Variants in HYKK observed in about 807,000 individuals in gnomAD.
HYKK encodes the protein 5-hydroxy-L-lysine kinase.
In HYKK, 19 loss-of-function variants were observed where a neutral mutation model predicts 29.7. The ratio of observed to expected loss-of-function variants is 0.64; its 90% CI spans 0.45 to 0.94. The LOEUF (loss-of-function observed/expected upper bound fraction) is 0.94, where lower values mean the gene tolerates loss of function less well. Among genes scored for constraint, HYKK ranks in the 40% least tolerant of loss-of-function variants. The pLI, the probability that HYKK is intolerant of heterozygous loss-of-function variation, is 0.00. For missense variants in HYKK, 390 were observed against 443.4 expected, an observed-to-expected ratio of 0.88 and a Z score of 1.08; for synonymous variants, 152 against 158.1, an observed-to-expected ratio of 0.96 and a Z score of 0.29.
At chr15:78,522,255 CAG>C (rs1420478690) in intron 3 of HYKK, among the ~76,000 whole-genome samples, 10 of 152,140 alleles carry the variant, frequency 6.6e-5, no homozygotes, top group Admixed American at 1.3e-4. Context: ...TAGCTCCTAA[CAG>C]TGTTTTTTCA....
chr15:78,521,519 A>G (rs531099787), intron 3 of HYKK, among the ~76,000 whole-genome samples: 174 of 152,090 alleles, frequency 1.1e-3, no homozygotes, highest in Middle Eastern at 0.01. Context: ...ACCTAATAAC[A>G]AGAGGAGGGC....
Position 78,533,726 on chromosome 15 carries a change from C to A in HYKK, c.*56C>A. ...TTAACTTGGGTAATTAAAATAGGAC[C>A]CAGTCAAATTTTAGGAAGGATTTTC... On this transcript the variant is annotated 3_prime_UTR_variant, in exon 5 of 5. Transcript: ENST00000388988. 1 of 1,284,538 alleles carries A rather than the reference C, an allele frequency of 7.8e-7. No homozygotes were observed. Among genetic ancestry groups the A allele is most frequent in the Non-Finnish European group, 1.1e-6 (1 of 904,658 alleles). 79.6% of individuals were successfully genotyped at this position (1,284,538 alleles called of 1,614,324 possible). A position where few individuals can be genotyped will look rare whatever the true frequency, so the allele number is the denominator to read the frequency against.
chr15:78,525,718 C>T (rs1158238147), intron 3 of HYKK, among the ~76,000 whole-genome samples: 1 of 151,866 alleles, frequency 6.6e-6, no homozygotes, highest in East Asian at 1.9e-4. Flanking sequence ...AGGCTGGTCT[C>T]GAACTCCTGA....
intron 3 of HYKK, among the ~76,000 whole-genome samples, chr15:78,518,389 G>T (rs928289795): frequency 2.0e-5 from 3 of 151,962 alleles, no homozygotes; most frequent in Non-Finnish European, 4.4e-5. Context: ...TGGCCAGGCT[G>T]GTCTTGAACT....
rs1425089917 is a variant in HYKK at position 78,536,339 on chromosome 15, TCA to T, written c.*2671_*2672del. ...CACACACACACACACACATGCACAC[TCA>T]CTCACACACACTAGGAGGAACAAAT... On this transcript the variant is annotated 3_prime_UTR_variant, in exon 5 of 5. Coordinates refer to ENST00000388988, the MANE Select transcript of HYKK (RefSeq NM_001013619.4). The T allele has an allele frequency of 6.7e-6, 1 of 148,832 alleles. No individual in the cohort carries two copies. The highest frequency in any genetic ancestry group is 1.5e-5 in the Non-Finnish European group (1 of 67,300). The allele number at this position is 148,832 out of a possible 1,614,324, so 9.2% of individuals were successfully genotyped here. A position where few individuals can be genotyped will look rare whatever the true frequency, so the allele number is the denominator to read the frequency against.
intron 1 of HYKK, 21 bp from the exon 2 acceptor site, chr15:78,513,063 T>C: frequency 7.6e-7 from 1 of 1,316,560 alleles, no homozygotes; most frequent in Non-Finnish European, 1.1e-6. Flanking sequence ...CCTTTCTGTT[T>C]GTTGCTTTTT....
rs530046770 is a variant in HYKK, at chr15:78,514,280, C to T, written c.338-688C>T. Among the ~76,000 whole-genome samples the T allele has an allele frequency of 3.3e-5, 5 of 152,228 alleles. No individual in the cohort carries two copies. In the East Asian group the frequency reaches 9.6e-4, roughly 29 times the overall value. ...TTGGACACATAGACCACTTAAATCC[C>T]TAAGGCCGCCAGTCCTCATCTGTGA... On this transcript the variant is annotated intron_variant, in intron 2 of 4. Coordinates refer to ENST00000388988, the MANE Select transcript of HYKK (RefSeq NM_001013619.4).
Position 78,533,405 on chromosome 15 carries a change from A to T in HYKK, c.857A>T (p.His286Leu), listed in dbSNP as rs760632845. Residue 286 changes from histidine to leucine, a missense_variant, in exon 5 of 5, where the codon CAT (histidine) becomes CTT (leucine). Transcript: ENST00000388988. ...ESKSPIQVGG[H>L]VLAGFESITP... is the part of the protein sequence containing the mutation. ...AAGAGTCCTATACAAGTAGGAGGCC[A>T]TGTCCTTGCAGGGTTTGAAAGCATC... 1 of 1,614,228 alleles carries T rather than the reference A, an allele frequency of 6.2e-7. No homozygotes were observed. Among genetic ancestry groups the T allele is most frequent in the Non-Finnish European group, 8.5e-7 (1 of 1,180,030 alleles).
intron 3 of HYKK, among the ~76,000 whole-genome samples, chr15:78,517,115 T>C (rs1422787646): frequency 6.4e-4 from 94 of 147,832 alleles, no homozygotes; most frequent in Non-Finnish European, 1.1e-3. Context: ...CTTTCTTTTT[T>C]TTTTTTTTTT....
At chr15:78,520,210 G>A (rs2073947540) in intron 3 of HYKK, among the ~76,000 whole-genome samples, 1 of 151,628 alleles carries the variant, frequency 6.6e-6, no homozygotes, top group Non-Finnish European at 1.5e-5. Flanking sequence ...GCCTTTGCAG[G>A]AGCTGAGTTC....
At position 78,528,759 on chromosome 15, in the gene HYKK, G is replaced by A. The variant is rs1198313705; in HGVS notation, c.661+1196G>A. 5 of 631,480 alleles carry A rather than the reference G, an allele frequency of 7.9e-6. No homozygotes were observed. In the East Asian group the frequency reaches 7.0e-4, roughly 89 times the overall value. The allele number at this position is 631,480 out of a possible 1,614,324, so 39.1% of individuals were successfully genotyped here. A position where few individuals can be genotyped will look rare whatever the true frequency, so the allele number is the denominator to read the frequency against. ...GGAGGTTGCAGTGGGCCTAGGTTGT[G>A]CCACTGCACTCCAGCCTGGGCAACA... On this transcript the variant is annotated intron_variant, in intron 4 of 4. Coordinates refer to ENST00000388988, the MANE Select transcript of HYKK (RefSeq NM_001013619.4).
rs1046492646 is a variant in HYKK at position 78,528,559 on chromosome 15, T to C, written c.661+996T>C. ...GGCTCCCGCCTGTAATCCCAGCACT[T>C]TGGGAGGCCGAGGTGGGTGGATCAC... On this transcript the variant is annotated intron_variant, in intron 4 of 4. Coordinates refer to ENST00000388988, the MANE Select transcript of HYKK (RefSeq NM_001013619.4). The C allele has an allele frequency of 2.9e-5, 28 of 956,622 alleles. No individual in the cohort carries two copies. In the African/African-American group the frequency reaches 3.2e-4, roughly 11 times the overall value. 59.3% of individuals were successfully genotyped at this position (956,622 alleles called of 1,614,324 possible).
intron 3 of HYKK, among the ~76,000 whole-genome samples, chr15:78,518,264 C>T (rs971126828): frequency 3.3e-5 from 5 of 152,108 alleles, no homozygotes; most frequent in Non-Finnish European, 7.4e-5. Context: ...CTCAGCTCAC[C>T]GCAACCTCCG....
At chr15:78,508,154 G>A (rs2052033562) in intron 1 of HYKK, among the ~76,000 whole-genome samples, 1 of 152,154 alleles carries the variant, frequency 6.6e-6, no homozygotes, top group African/African-American at 2.4e-5. Flanking sequence ...GTAATGCACT[G>A]TTGTCTTTGA....
At position 78,533,414 on chromosome 15, in the gene HYKK, C is replaced by A; in HGVS notation, c.866C>A (p.Ala289Glu). The change falls in exon 5 of 5, where the codon GCA becomes GAA. Residue 289 changes from alanine to glutamate, a missense_variant. Physicochemically the swap from Ala to Glu is moderately radical, Grantham distance 107. Transcript: ENST00000388988. ...SPIQVGGHVL[A>E]GFESITPLTA... ...ATACAAGTAGGAGGCCATGTCCTTG[C>A]AGGGTTTGAAAGCATCACCCCACTG... The A allele has an allele frequency of 1.2e-6, 2 of 1,614,162 alleles. No individual in the cohort carries two copies. The highest frequency in any genetic ancestry group is 1.7e-6 in the Non-Finnish European group (2 of 1,180,010).
At chr15:78,517,374 A>C (rs1001526365) in intron 3 of HYKK, among the ~76,000 whole-genome samples, 1 of 152,062 alleles carries the variant, frequency 6.6e-6, no homozygotes, top group African/African-American at 2.4e-5. Context: ...CAGGAGTTCA[A>C]GACCAGCTAG....
chr15:78,514,121 A>C (rs1050978084), intron 2 of HYKK, among the ~76,000 whole-genome samples: 1 of 151,954 alleles, frequency 6.6e-6, no homozygotes, highest in Non-Finnish European at 1.5e-5. Flanking sequence ...TTAACCAGAA[A>C]AATAATAAAA....
intron 1 of HYKK, among the ~76,000 whole-genome samples, chr15:78,508,694 T>A (rs2052039241): frequency 6.6e-6 from 1 of 151,792 alleles, no homozygotes; most frequent in Admixed American, 6.6e-5. Context: ...TAATAATTTT[T>A]AAAAATGTGT....
intron 4 of HYKK, chr15:78,528,257 G>A (rs201891070): frequency 2.8e-5 from 5 of 178,882 alleles, no homozygotes; most frequent in African/African-American, 9.5e-5. Flanking sequence ...TGTGAACTGC[G>A]CATGCAAGGG....
Sources: gnomAD v4.1 joint callset for allele counts (sites outside exome capture counted in the v4.1 genomes callset) on GRCh38, gnomAD v4.1.1 for gene constraint, MANE v1.5 for transcripts, NCBI Gene and HGNC (gene_info 2026-07-23, HGNC 2026-07-21) for gene names.